The following CSMD1 variants were observed in gnomAD, a reference collection of about 807,000 sequenced individuals.
CSMD1 encodes the protein CUB and sushi domain-containing protein 1.
In CSMD1, 213 loss-of-function variants were observed where a neutral mutation model predicts 417.5. That is an observed-to-expected ratio of 0.51 (90% CI 0.46 to 0.57). CSMD1 has a LOEUF of 0.57. CSMD1 is among the 20% of genes least tolerant of loss of function. The pLI is 0.00. For missense variants in CSMD1, 6,923 were observed against 4,529.7 expected, an observed-to-expected ratio of 1.53 and a Z score of -15.17; for synonymous variants, 2,862 against 1,736.8, an observed-to-expected ratio of 1.65 and a Z score of -16.11.
chr8:4,257,931 A>G (rs894673499), intron 3 of CSMD1, among the ~76,000 whole-genome samples: 1 of 152,206 alleles, frequency 6.6e-6, no homozygotes, highest in African/African-American at 2.4e-5. Context: ...TAAAAATAAT[A>G]GCCTTTTTCA....
At chr8:4,971,312 A>C (rs552723798) in intron 1 of CSMD1, among the ~76,000 whole-genome samples, 48 of 152,226 alleles carry the variant, frequency 3.2e-4, no homozygotes, top group African/African-American at 1.0e-3. Flanking sequence ...TTCATGCTTA[A>C]ATCATGAATT....
chr8:3,501,157 C>T (rs573138019), intron 10 of CSMD1, among the ~76,000 whole-genome samples: 2 of 152,128 alleles, frequency 1.3e-5, no homozygotes, highest in African/African-American at 4.8e-5. Flanking sequence ...AGAGAGACCA[C>T]TTCTCCTGAT....
chr8:4,624,167 T>C (rs181818279), intron 2 of CSMD1, among the ~76,000 whole-genome samples: 130 of 152,204 alleles, frequency 8.5e-4, no homozygotes, highest in African/African-American at 3.0e-3. Flanking sequence ...GCAGTAAAAC[T>C]TGGCAAATCA....
At chr8:3,306,373 C>T (rs756658397) in intron 25 of CSMD1, among the ~76,000 whole-genome samples, 1 of 152,120 alleles carries the variant, frequency 6.6e-6, no homozygotes, top group Non-Finnish European at 1.5e-5. Flanking sequence ...GGAGTTTTGC[C>T]ATGCTGGCCA....
chr8:3,839,685 T>C (rs1802989379), intron 5 of CSMD1, among the ~76,000 whole-genome samples: 1 of 148,988 alleles, frequency 6.7e-6, no homozygotes, highest in African/African-American at 2.5e-5. Context: ...ATCTCCTTCA[T>C]TTGGGAGCTG....
chr8:4,050,315 G>A (rs900906203), intron 3 of CSMD1, among the ~76,000 whole-genome samples: 4 of 152,120 alleles, frequency 2.6e-5, no homozygotes, highest in African/African-American at 4.8e-5. Context: ...TAAGGAATAC[G>A]AAAGGAGGCT....
At chr8:4,070,203 T>G (rs1006917906) in intron 3 of CSMD1, among the ~76,000 whole-genome samples, 27 of 152,300 alleles carry the variant, frequency 1.8e-4, no homozygotes, top group African/African-American at 6.3e-4. Context: ...TCTTTTTTTC[T>G]GTGTTTCTTG....
intron 1 of CSMD1, among the ~76,000 whole-genome samples, chr8:4,776,937 G>T (rs184739757): frequency 1.7e-3 from 265 of 152,168 alleles, no homozygotes; most frequent in African/African-American, 6.0e-3. Context: ...TAAAGGCACT[G>T]GTGTTTGTAA....
chr8:3,310,512 C>T (rs1447935552), intron 23 of CSMD1, among the ~76,000 whole-genome samples: 1 of 152,134 alleles, frequency 6.6e-6, no homozygotes, highest in African/African-American at 2.4e-5. Context: ...AAACAATCTT[C>T]CAAAATCTTG....
At chr8:3,897,760 G>A (rs531995126) in intron 5 of CSMD1, among the ~76,000 whole-genome samples, 2 of 152,130 alleles carry the variant, frequency 1.3e-5, no homozygotes, top group East Asian at 3.9e-4. Flanking sequence ...GAAACATTCT[G>A]TGATATCATT....
chr8:3,339,002 C>T (rs1321465182), intron 23 of CSMD1, among the ~76,000 whole-genome samples: 8 of 123,772 alleles, frequency 6.5e-5, no homozygotes, highest in Admixed American at 3.0e-4. Context: ...CACCCCACAA[C>T]AGTCCCCTGA....
At chr8:4,031,261 G>A (rs1172227096) in intron 4 of CSMD1, among the ~76,000 whole-genome samples, 1 of 152,142 alleles carries the variant, frequency 6.6e-6, no homozygotes, top group African/African-American at 2.4e-5. Context: ...ACATACCTGA[G>A]CCTGGGCAAT....
chr8:4,217,691 T>C (rs1345389173), intron 3 of CSMD1, among the ~76,000 whole-genome samples: 1 of 152,076 alleles, frequency 6.6e-6, no homozygotes. Context: ...AATTTTGTTG[T>C]CTGAATTTAA....
chr8:4,159,543 G>C (rs911868639), intron 3 of CSMD1, among the ~76,000 whole-genome samples: 5 of 152,126 alleles, frequency 3.3e-5, no homozygotes, highest in Non-Finnish European at 7.4e-5. Flanking sequence ...GCCATAAAAA[G>C]CAATGAATTA....
chr8:3,954,237 G>C (rs1465047637), intron 5 of CSMD1, among the ~76,000 whole-genome samples: 3 of 152,236 alleles, frequency 2.0e-5, no homozygotes, highest in Non-Finnish European at 2.9e-5. Flanking sequence ...GGCAAGTCCA[G>C]AGCAGGAGTG....
chr8:3,341,420 G>T (rs190185793), intron 23 of CSMD1, among the ~76,000 whole-genome samples: 5 of 152,306 alleles, frequency 3.3e-5, no homozygotes, highest in Non-Finnish European at 5.9e-5. Flanking sequence ...ATGAGACCAA[G>T]TGTTTACAAA....
intron 3 of CSMD1, among the ~76,000 whole-genome samples, chr8:4,074,751 A>G (rs1002148851): frequency 2.0e-5 from 3 of 146,964 alleles, no homozygotes; most frequent in African/African-American, 7.7e-5. Context: ...AGAAACAAAC[A>G]AAAAAAAAAC....
chr8:4,169,931 G>A (rs915063706), intron 3 of CSMD1, among the ~76,000 whole-genome samples: 2 of 149,760 alleles, frequency 1.3e-5, no homozygotes, highest in African/African-American at 5.1e-5. Context: ...ACGTAACTCA[G>A]AAGAGATTTT....
chr8:4,796,233 T>A (rs113282095), intron 1 of CSMD1, among the ~76,000 whole-genome samples: 2 of 151,914 alleles, frequency 1.3e-5, no homozygotes, highest in African/African-American at 4.8e-5. Flanking sequence ...AAAGCCTGCA[T>A]GAAAATGCCT....
Sources: allele counts gnomAD v4.1 joint callset (sites outside exome capture counted in the v4.1 genomes callset), GRCh38; gene constraint gnomAD v4.1.1; transcripts MANE v1.5; gene names NCBI Gene and HGNC (gene_info 2026-07-23, HGNC 2026-07-21).